The following FLYWCH1 variants were observed in gnomAD, a reference collection of about 807,000 sequenced individuals.
FLYWCH1 encodes FLYWCH-type zinc finger 1.
Under a neutral mutation model 66.4 loss-of-function variants are expected in FLYWCH1, and 75 were observed. The observed-to-expected ratio is 1.13, with a 90% CI of 0.94 to 1.37. The LOEUF is 1.37. Ranked by LOEUF, FLYWCH1 falls within the 40% of genes most tolerant of loss-of-function variation. FLYWCH1 has a pLI of 0.00. For missense variants in FLYWCH1, 1,334 were observed against 1,001.8 expected (o/e 1.33, Z -4.48); for synonymous variants, 595 against 429.9 (o/e 1.38, Z -4.75).
chr16:2,912,558 C>T (rs1393358022), intron 1 of FLYWCH1, among the ~76,000 whole-genome samples: 1 of 152,204 alleles, frequency 6.6e-6, no homozygotes, highest in Non-Finnish European at 1.5e-5. Flanking sequence ...TCTCCGGTGA[C>T]GGCTTTCGAA....
rs772465381 is a variant in FLYWCH1, at chr16:2,933,941, G to T, written c.1475G>T (p.Arg492Leu). Reference protein sequence around the residue: ...DLGGLEALRQREKRPNTAQRG... With the variant: ...DLGGLEALRQLEKRPNTAQRG... ...GGAGGCCTGGAGGCCCTGAGGCAGC[G>T]GGAGAAACGCCCCAACACGGCGCAG... is the stretch of plus-strand genomic sequence containing the variant. The change falls in exon 6 of 10, where the codon CGG becomes CTG. Residue 492 changes from arginine (R) to leucine (L), a missense_variant. Physicochemically the swap from Arg to Leu is moderately radical, Grantham distance 102. Coordinates refer to ENST00000253928, the MANE Select transcript of FLYWCH1 (RefSeq NM_001308068.2). 1.9e-6 allele frequency: 3 copies of T among 1,562,810 alleles called. No homozygotes were observed. Among genetic ancestry groups the T allele is most frequent in the African/African-American group, 1.4e-5 (1 of 73,680 alleles).
intron 6 of FLYWCH1, 133 bp downstream of exon 6, chr16:2,934,112 G>A: frequency 1.7e-6 from 2 of 1,166,276 alleles, no homozygotes. Context: ...AAGGAACTAT[G>A]GCCCTGGCCT....
Position 2,929,715 on chromosome 16 carries a change from G to C in FLYWCH1, c.30G>C (p.Glu10Asp). 1.2e-6 allele frequency: 2 copies of C among 1,613,240 alleles called. No individual in the cohort carries two copies. The highest frequency in any genetic ancestry group is 1.7e-4 in the Middle Eastern group (1 of 6,054). MPLPEPSEQ[E>D]GESVKAGQEP... ...CCCTGCCCGAGCCCAGCGAGCAGGA[G>C]GGCGAGAGTGTGAAGGCCGGCCAGG... The change falls in exon 3 of 10, where the codon GAG becomes GAC. Residue 10 changes from glutamate to aspartate, a missense_variant. Transcript: ENST00000253928.
At chr16:2,932,220 A>C (rs1003988229) in intron 4 of FLYWCH1, among the ~76,000 whole-genome samples, 3 of 148,278 alleles carry the variant, frequency 2.0e-5, no homozygotes, top group Admixed American at 6.9e-5. Flanking sequence ...GCAGTGAGCC[A>C]AGATCGAGCC....
chr16:2,926,592 G>A (rs1399464490), intron 2 of FLYWCH1, among the ~76,000 whole-genome samples: 2 of 152,192 alleles, frequency 1.3e-5, no homozygotes, highest in African/African-American at 4.8e-5. Context: ...CCACCTGCCC[G>A]TCTTTTAATT....
chr16:2,941,648 G>A (rs552805050), intron 9 of FLYWCH1, among the ~76,000 whole-genome samples: 1 of 147,648 alleles, frequency 6.8e-6, no homozygotes, highest in South Asian at 2.2e-4. Flanking sequence ...TGGCTAGGGT[G>A]GGAGGATCGC....
chr16:2,948,767 G>A lies in FLYWCH1; in HGVS notation c.*40G>A, dbSNP rs368117975. 1.2e-5 allele frequency: 20 copies of A among 1,607,054 alleles called. No individual in the cohort carries two copies. Among genetic ancestry groups the A allele is most frequent in the African/African-American group, 4.0e-5 (3 of 74,808 alleles). ...AGGAGCTCCGAGCCGCCCACCCAAG[G>A]TGGCTTCACATCCACACAGGCACTT... is the stretch of plus-strand genomic sequence containing the variant. On this transcript the variant is annotated 3_prime_UTR_variant, in exon 10 of 10. Transcript: ENST00000253928.
chr16:2,927,090 A>G (rs957375471), intron 2 of FLYWCH1, among the ~76,000 whole-genome samples: 8 of 152,226 alleles, frequency 5.3e-5, no homozygotes, highest in Non-Finnish European at 1.0e-4. Context: ...GGTCCAATAC[A>G]GACCTCAAGT....
At chr16:2,930,312 C>T (rs2070715303) in intron 3 of FLYWCH1, 98 bp from the exon 4 acceptor site, 2 of 745,328 alleles carry the variant, frequency 2.7e-6, no homozygotes, top group Non-Finnish European at 2.1e-6. Context: ...GAGAAGGCAC[C>T]TGCCATACTC....
At chr16:2,946,316 CT>C (rs58279573) in intron 9 of FLYWCH1, among the ~76,000 whole-genome samples, 3,660 of 75,332 alleles carry the variant, frequency 0.049, 22 homozygotes, top group African/African-American at 0.12. Flanking sequence ...GTGGGCTGTA[CT>C]TTTTTTTTTT....
At chr16:2,939,258 C>G (rs1264301286) in intron 8 of FLYWCH1, among the ~76,000 whole-genome samples, 1 of 152,116 alleles carries the variant, frequency 6.6e-6, no homozygotes, top group Admixed American at 6.6e-5. Context: ...CCATCCTGAT[C>G]AACATGGAGA....
intron 9 of FLYWCH1, among the ~76,000 whole-genome samples, chr16:2,942,075 G>A (rs72770851): frequency 0.22 from 33,271 of 150,674 alleles, 4,551 homozygotes; most frequent in Non-Finnish European, 0.3. Flanking sequence ...AGTTGGTTCT[G>A]TATAAGGATC....
Position 2,948,672 on chromosome 16 carries a change from G to C in FLYWCH1, c.2112-16G>C. ...GTTTTGATGTGTGCAATGAACATGT[G>C]TCTCTTTGTAATTAGGGACATCAAA... On this transcript the variant is annotated splice_polypyrimidine_tract_variant and intron_variant, in intron 9 of 9. Transcript: ENST00000253928. 1 of 1,613,150 alleles carries C rather than the reference G, an allele frequency of 6.2e-7. No individual in the cohort carries two copies. Among genetic ancestry groups the C allele is most frequent in the South Asian group, 1.1e-5 (1 of 91,074 alleles).
In FLYWCH1 at chr16:2,933,240, A is replaced by G. The variant is rs766099087; in HGVS notation, c.907A>G (p.Thr303Ala). The G allele has an allele frequency of 6.2e-7, 1 of 1,608,810 alleles. No individual in the cohort carries two copies. The highest frequency in any genetic ancestry group is 1.3e-5 in the African/African-American group (1 of 74,626). The part of the protein sequence containing the change: ...EKAVGDKVYW[T>A]CRDHALHGCR... The stretch of plus-strand genomic sequence containing the variant: ...GGCTGTCGGGGACAAGGTGTATTGG[A>G]CCTGCCGGGACCACGCGCTGCACGG... Residue 303 changes from threonine (T) to alanine (A), a missense_variant, in exon 5 of 10, where the codon ACC (threonine) becomes GCC (alanine). By Grantham distance (58) the Thr-to-Ala change is moderately conservative. Coordinates refer to ENST00000253928, the MANE Select transcript of FLYWCH1 (RefSeq NM_001308068.2).
rs757031957 is a variant in FLYWCH1, at chr16:2,933,518, A to C, written c.1185A>C (p.Glu395Asp). ...RPRPRKRAKV[E>D]DQELPTQPEA... is the part of the protein sequence containing the mutation. ...GGCCCAGAAAGCGAGCAAAGGTCGA[A>C]GACCAGGAGCTGCCAACCCAGCCCG... Residue 395 changes from glutamate to aspartate, a missense_variant, in exon 5 of 10, where the codon GAA (glutamate) becomes GAC (aspartate). By Grantham distance (45) the Glu-to-Asp change is conservative (BLOSUM62 2). Transcript: ENST00000253928. 1.1e-5 allele frequency: 17 copies of C among 1,612,072 alleles called. No individual in the cohort carries two copies. Among genetic ancestry groups the C allele is most frequent in the Non-Finnish European group, 8.5e-7 (1 of 1,179,246 alleles).
intron 8 of FLYWCH1, 47 bp from the exon 9 acceptor site, chr16:2,939,985 A>G (rs759800423): frequency 6.4e-7 from 1 of 1,554,758 alleles, no homozygotes; most frequent in Non-Finnish European, 8.7e-7. Flanking sequence ...TGTCAGCTTC[A>G]ACAAGAGAAG....
chr16:2,937,751 G>A (rs1353898108), intron 7 of FLYWCH1, among the ~76,000 whole-genome samples: 1 of 152,050 alleles, frequency 6.6e-6, no homozygotes, highest in African/African-American at 2.4e-5. Flanking sequence ...GTCTCACGGG[G>A]TTCTCTCTGG....
In FLYWCH1 at chr16:2,937,186, C is replaced by T. The variant is rs746827704; in HGVS notation, c.1579C>T (p.Arg527Trp). ...SFLVYESFLY[R>W]REKAAGEKVY... is the part of the protein sequence containing the mutation. Reference sequence around the variant, plus strand: ...CCTGGTGTACGAGTCCTTCCTCTACCGGCGGGAGAAGGCGGCCGGGGAGAA... The same window carrying T: ...CCTGGTGTACGAGTCCTTCCTCTACTGGCGGGAGAAGGCGGCCGGGGAGAA... Residue 527 changes from arginine to tryptophan, a missense_variant, in exon 7 of 10, where the codon CGG becomes TGG. Arg to Trp is a moderately radical substitution (Grantham distance 101). Transcript: ENST00000253928. 5.0e-6 allele frequency: 8 copies of T among 1,606,308 alleles called. No individual in the cohort carries two copies. Among genetic ancestry groups the T allele is most frequent in the East Asian group, 2.2e-5 (1 of 44,620 alleles).
At chr16:2,924,146 C>T (rs995013447) in intron 2 of FLYWCH1, among the ~76,000 whole-genome samples, 1 of 152,020 alleles carries the variant, frequency 6.6e-6, no homozygotes, top group Admixed American at 6.6e-5. Context: ...CTGGCTAACA[C>T]GGTGAAACCC....
Sources: gnomAD v4.1 joint callset for allele counts (sites outside exome capture counted in the v4.1 genomes callset) on GRCh38, gnomAD v4.1.1 for gene constraint, MANE v1.5 for transcripts, NCBI Gene and HGNC (gene_info 2026-07-23, HGNC 2026-07-21) for gene names.